ATE1: variants seen among roughly 807,000 people sequenced by gnomAD.
ATE1 encodes arginyltransferase 1, also known as arginyl-tRNA--protein transferase 1.
A neutral mutation model predicts 70.5 loss-of-function variants in ATE1; 36 were observed. The ratio of observed to expected loss-of-function variants is 0.51; its 90% CI spans 0.39 to 0.67. The LOEUF (loss-of-function observed/expected upper bound fraction) is 0.67, where lower values mean the gene tolerates loss of function less well. ATE1 is among the 30% of genes least tolerant of loss of function. The pLI is 0.00. For synonymous variants in ATE1, 232 were observed against 219.3 expected (o/e 1.06, Z -0.51); for missense variants, 593 against 629.5 (o/e 0.94, Z 0.62).
intron 11 of ATE1, among the ~76,000 whole-genome samples, chr10:121,784,211 T>A (rs1328446440): frequency 6.6e-6 from 1 of 152,258 alleles, no homozygotes; most frequent in Non-Finnish European, 1.5e-5. Context: ...TGCTCATGCA[T>A]GGCTTATTGA....
chr10:121,860,136 T>C (rs1295458637), intron 8 of ATE1, among the ~76,000 whole-genome samples: 2 of 152,182 alleles, frequency 1.3e-5, no homozygotes, highest in Non-Finnish European at 2.9e-5. Flanking sequence ...AACGCTATAA[T>C]ACGTGTTGAC....
intron 10 of ATE1, among the ~76,000 whole-genome samples, chr10:121,827,404 C>T (rs1554902850): frequency 6.6e-6 from 1 of 152,110 alleles, no homozygotes; most frequent in Non-Finnish European, 1.5e-5. Flanking sequence ...GGGCAGCCAC[C>T]ACCTTGGAAC....
Position 121,911,011 on chromosome 10 carries a change from T to G in ATE1, c.478A>C (p.Lys160Gln), listed in dbSNP as rs368655874. Residue 160 changes from lysine (K) to glutamine (Q), a missense_variant, in exon 5 of 12, where the codon AAA becomes CAA. Coordinates refer to ENST00000224652, the MANE Select transcript of ATE1 (RefSeq NM_001001976.3). ...SLESEGKNSK[K>Q]EEPQELLQSQ... ...TGAAGTAATTCCTGAGGTTCTTCTT[T>G]CTTTGAATTTTTTCCTTCACTCTCT... The G allele has an allele frequency of 6.8e-6, 11 of 1,613,928 alleles. No individual in the cohort carries two copies. Among genetic ancestry groups the G allele is most frequent in the Non-Finnish European group, 9.3e-6 (11 of 1,180,028 alleles).
intron 11 of ATE1, among the ~76,000 whole-genome samples, chr10:121,774,209 T>C (rs1453143160): frequency 6.6e-6 from 1 of 152,188 alleles, no homozygotes; most frequent in Non-Finnish European, 1.5e-5. Context: ...GACATTAAAA[T>C]ACAGTTCAAT....
In ATE1 at chr10:121,743,549, A is replaced by T. The variant is rs539545051; in HGVS notation, c.*131T>A. ...ACATTGCCACAAAATATTTTTTAAAAGCCATAGATAGTCAAAATAAAAAAT... is the reference window on the plus strand; with the variant it reads ...ACATTGCCACAAAATATTTTTTAAATGCCATAGATAGTCAAAATAAAAAAT... On this transcript the variant is annotated 3_prime_UTR_variant, in exon 12 of 12. Transcript: ENST00000224652. The T allele has an allele frequency of 2.2e-6, 3 of 1,335,620 alleles. No individual in the cohort carries two copies. The East Asian group carries it at 8.3e-5, about 37-fold the overall frequency. 82.7% of individuals were successfully genotyped at this position (1,335,620 alleles called of 1,614,324 possible).
intron 10 of ATE1, among the ~76,000 whole-genome samples, chr10:121,832,105 G>GA (rs1564877724): frequency 6.6e-6 from 1 of 152,128 alleles, no homozygotes; most frequent in Non-Finnish European, 1.5e-5. Flanking sequence ...CAGTTTGTGG[G>GA]ATAAGTAGGA....
intron 3 of ATE1, 42 bp from the exon 4 acceptor site, chr10:121,913,935 T>C (rs770570939): frequency 2.0e-6 from 3 of 1,481,106 alleles, no homozygotes; most frequent in Admixed American, 1.8e-5. Flanking sequence ...AACTCAAACC[T>C]TGAAGAAATG....
chr10:121,854,040 A>G (rs1949155224), intron 8 of ATE1, among the ~76,000 whole-genome samples: 1 of 152,208 alleles, frequency 6.6e-6, no homozygotes, highest in Admixed American at 6.5e-5. Context: ...GTTCTAACAT[A>G]TAAATTTTGG....
intron 5 of ATE1, among the ~76,000 whole-genome samples, chr10:121,908,132 A>G (rs1230801255): frequency 6.6e-6 from 1 of 152,224 alleles, no homozygotes; most frequent in Non-Finnish European, 1.5e-5. Flanking sequence ...TGAGTTCCCA[A>G]TGATACCAAC....
chr10:121,907,184 G>A (rs1000110686), intron 5 of ATE1, among the ~76,000 whole-genome samples: 1 of 152,148 alleles, frequency 6.6e-6, no homozygotes, highest in Non-Finnish European at 1.5e-5. Context: ...GCTGGGCACG[G>A]TGGCTCATGC....
At chr10:121,896,055 T>C (rs1439923288) in intron 7 of ATE1, among the ~76,000 whole-genome samples, 1 of 152,230 alleles carries the variant, frequency 6.6e-6, no homozygotes, top group Non-Finnish European at 1.5e-5. Flanking sequence ...AGAGTTCCCT[T>C]TTTAAGTGCT....
At chr10:121,789,991 C>T (rs2420967) in intron 11 of ATE1, among the ~76,000 whole-genome samples, 178 bp downstream of exon 11, 143,662 of 152,154 alleles carry the variant, frequency 0.94, 68,057 homozygotes, top group Non-Finnish European at 0.98. Context: ...TGCCAAACTG[C>T]GTGAGTTTGT....
intron 10 of ATE1, among the ~76,000 whole-genome samples, chr10:121,805,721 A>G (rs1339853200): frequency 6.6e-6 from 1 of 152,254 alleles, no homozygotes; most frequent in Non-Finnish European, 1.5e-5. Flanking sequence ...TTGGAATCAC[A>G]GAATGTTTTT....
At chr10:121,904,247 G>C (rs774964335) in intron 5 of ATE1, among the ~76,000 whole-genome samples, 52 of 151,798 alleles carry the variant, frequency 3.4e-4, no homozygotes, top group Non-Finnish European at 6.9e-4. Context: ...CTCCCAAAGT[G>C]CTAGGATTAC....
At chr10:121,845,980 C>G (rs1323092168) in intron 8 of ATE1, among the ~76,000 whole-genome samples, 1 of 152,078 alleles carries the variant, frequency 6.6e-6, no homozygotes, top group Non-Finnish European at 1.5e-5. Flanking sequence ...GAGCAATGAG[C>G]ATTCCTAGCA....
At chr10:121,775,006 T>C (rs1482695563) in intron 11 of ATE1, among the ~76,000 whole-genome samples, 1 of 152,126 alleles carries the variant, frequency 6.6e-6, no homozygotes, top group African/African-American at 2.4e-5. Context: ...GGCAGACACA[T>C]GTGGAGAAAC....
rs1944237776 is a variant in ATE1, at chr10:121,743,917, T to TTTTG, written c.1379-60_1379-59insCAAA. 28 of 145,728 alleles carry TTTTG rather than the reference T, an allele frequency of 1.9e-4. No individual in the cohort carries two copies. In the Admixed American group the frequency reaches 4.2e-3, roughly 22 times the overall value. The allele number at this position is 145,728 out of a possible 1,614,324, so 9.0% of individuals were successfully genotyped here. On this transcript the variant is annotated intron_variant, in intron 11 of 11. Transcript: ENST00000224652. ...TCACATATCAAAACTTTTTGTTTCCTTTTTTTTTTTTTTTTTTTTTTTGAG... is the reference window on the plus strand; with the variant it reads ...TCACATATCAAAACTTTTTGTTTCCTTTTGTTTTTTTTTTTTTTTTTTTTTTGAG...
chr10:121,820,880 G>A (rs946423161), intron 10 of ATE1, among the ~76,000 whole-genome samples: 6 of 152,152 alleles, frequency 3.9e-5, no homozygotes, highest in Middle Eastern at 3.2e-3. Flanking sequence ...TACTAAAATC[G>A]TTTCTTTTAT....
intron 11 of ATE1, among the ~76,000 whole-genome samples, chr10:121,778,705 G>A (rs1446767655): frequency 6.6e-6 from 1 of 151,728 alleles, no homozygotes; most frequent in Non-Finnish European, 1.5e-5. Flanking sequence ...GGGTTCAAGC[G>A]ACTCTCCTGC....
Sources: allele counts gnomAD v4.1 joint callset (sites outside exome capture counted in the v4.1 genomes callset), GRCh38; gene constraint gnomAD v4.1.1; transcripts MANE v1.5; gene names NCBI Gene and HGNC (gene_info 2026-07-23, HGNC 2026-07-21).